The following DAB1 variants were observed in gnomAD, a reference collection of about 807,000 sequenced individuals.
DAB1 encodes disabled homolog 1.
A neutral mutation model predicts 64.6 loss-of-function variants in DAB1; 15 were observed. The ratio of observed to expected loss-of-function variants is 0.23; its 90% CI spans 0.16 to 0.36. DAB1 has a LOEUF of 0.36. Ranked by LOEUF, DAB1 falls within the 10% of genes least tolerant of loss-of-function variation. The pLI is 1.00. For synonymous variants in DAB1, 235 were observed against 251.9 expected (o/e 0.93, Z 0.64); for missense variants, 596 against 706.7 (o/e 0.84, Z 1.78).
chr1:57,052,720 A>G (rs1570598871), intron 9 of DAB1, among the ~76,000 whole-genome samples: 1 of 152,170 alleles, frequency 6.6e-6, no homozygotes, highest in African/African-American at 2.4e-5. Context: ...AGAGTAGATG[A>G]ATAATTCTAA....
intron 1 of DAB1, among the ~76,000 whole-genome samples, chr1:57,872,404 T>C (rs562275568): frequency 6.6e-6 from 1 of 152,254 alleles, no homozygotes; most frequent in East Asian, 1.9e-4. Flanking sequence ...AACCAGGAAG[T>C]AGATACTCAT....
intron 3 of DAB1, among the ~76,000 whole-genome samples, chr1:58,387,722 CTTTTT>C (rs35563837): frequency 1.5e-5 from 1 of 65,530 alleles, no homozygotes; most frequent in Admixed American, 1.7e-4. Flanking sequence ...CTTTTCTTTT[CTTTTT>C]TTTTTTTTTT....
At chr1:58,168,582 C>T (rs1017651221) in intron 4 of DAB1, among the ~76,000 whole-genome samples, 3 of 152,010 alleles carry the variant, frequency 2.0e-5, no homozygotes, top group African/African-American at 7.3e-5. Flanking sequence ...ACGGGCTCAC[C>T]AAGCAGAAAG....
intron 5 of DAB1, among the ~76,000 whole-genome samples, chr1:57,890,456 CTTT>C (rs71246207): frequency 7.3e-6 from 1 of 136,616 alleles, no homozygotes. Flanking sequence ...CTTTTCTTTT[CTTT>C]TTTTTTTTTT....
At chr1:57,910,540 G>T (rs750027766) in intron 5 of DAB1, among the ~76,000 whole-genome samples, 2 of 152,100 alleles carry the variant, frequency 1.3e-5, no homozygotes, top group African/African-American at 4.8e-5. Context: ...TAAGTGATCT[G>T]TAATCAACGG....
intron 6 of DAB1, among the ~76,000 whole-genome samples, chr1:57,691,822 G>C (rs1415150022): frequency 6.6e-6 from 1 of 152,126 alleles, no homozygotes; most frequent in African/African-American, 2.4e-5. Flanking sequence ...AGCACTCTCA[G>C]ACCCCTTTCG....
chr1:57,824,458 A>AAC (rs1652257458), downstream of DAB1, among the ~76,000 whole-genome samples: 1 of 152,018 alleles, frequency 6.6e-6, no homozygotes, highest in Non-Finnish European at 1.5e-5. Flanking sequence ...AAATAGGGTT[A>AAC]CCTATTTCTC....
chr1:57,193,032 C>A (rs72917155), intron 2 of DAB1, among the ~76,000 whole-genome samples: 2 of 152,036 alleles, frequency 1.3e-5, no homozygotes, highest in Non-Finnish European at 2.9e-5. Context: ...AAACAACATA[C>A]GTATTACCTC....
At chr1:58,451,227 C>A (rs757152472) in intron 3 of DAB1, among the ~76,000 whole-genome samples, 2 of 152,100 alleles carry the variant, frequency 1.3e-5, no homozygotes, top group Non-Finnish European at 2.9e-5. Context: ...GTAGAGGGGA[C>A]GGTAGGCACA....
chr1:57,407,767 A>AGTGTGTGT (rs3991224), intron 1 of DAB1, among the ~76,000 whole-genome samples: 42 of 147,054 alleles, frequency 2.9e-4, no homozygotes, highest in South Asian at 6.8e-4. Flanking sequence ...AGATATCTGA[A>AGTGTGTGT]GTGTGTGTGT....
At chr1:57,463,893 G>A (rs1212585101) in intron 7 of DAB1, among the ~76,000 whole-genome samples, 5 of 152,130 alleles carry the variant, frequency 3.3e-5, no homozygotes, top group African/African-American at 9.7e-5. Context: ...ATTTGAAGTC[G>A]TACACAAACC....
chr1:57,163,156 G>A (rs1244020264), intron 2 of DAB1, among the ~76,000 whole-genome samples: 1 of 152,222 alleles, frequency 6.6e-6, no homozygotes, highest in Non-Finnish European at 1.5e-5. Flanking sequence ...TCCTAGAGCT[G>A]CTGATCTGAG....
chr1:57,220,728 C>A (rs1173935582), intron 2 of DAB1, among the ~76,000 whole-genome samples: 3 of 152,056 alleles, frequency 2.0e-5, no homozygotes, highest in Non-Finnish European at 4.4e-5. Flanking sequence ...GTTAGAATGG[C>A]GATCATTAAA....
chr1:57,719,962 C>A (rs954725025), intron 6 of DAB1, among the ~76,000 whole-genome samples: 1 of 152,126 alleles, frequency 6.6e-6, no homozygotes, highest in African/African-American at 2.4e-5. Flanking sequence ...TGACCCTGGC[C>A]AAATTACTTT....
intron 4 of DAB1, among the ~76,000 whole-genome samples, chr1:58,210,866 T>C (rs779622198): frequency 1.3e-5 from 2 of 152,172 alleles, no homozygotes; most frequent in Non-Finnish European, 2.9e-5. Context: ...AAATGTGCTA[T>C]GAGGGGCTAA....
At chr1:57,312,080 C>A (rs1674758751) in intron 1 of DAB1, among the ~76,000 whole-genome samples, 1 of 152,158 alleles carries the variant, frequency 6.6e-6, no homozygotes, top group Admixed American at 6.5e-5. Flanking sequence ...TGTTGTTACT[C>A]TCTGTCAAAA....
intron 3 of DAB1, among the ~76,000 whole-genome samples, chr1:58,419,429 ATCCATCACCATTGTTT>A (rs1644751637): frequency 6.6e-6 from 1 of 152,208 alleles, no homozygotes; most frequent in Non-Finnish European, 1.5e-5. Context: ...TATGACCATC[ATCCATCACCATTGTTT>A]TCCTATTACC....
intron 7 of DAB1, among the ~76,000 whole-genome samples, chr1:57,436,777 C>T (rs765602245): frequency 3.3e-4 from 50 of 152,048 alleles, no homozygotes; most frequent in Non-Finnish European, 6.8e-4. Flanking sequence ...GCCTGTAATC[C>T]CAGCACTTTG....
chr1:58,317,031 A>G (rs1360244187), intron 4 of DAB1, among the ~76,000 whole-genome samples: 1 of 152,258 alleles, frequency 6.6e-6, no homozygotes, highest in Non-Finnish European at 1.5e-5. Context: ...GAAACTATTG[A>G]AAATTCTTCT....
Sources: allele counts gnomAD v4.1 joint callset (sites outside exome capture counted in the v4.1 genomes callset), GRCh38; gene constraint gnomAD v4.1.1; transcripts MANE v1.5; gene names NCBI Gene and HGNC (gene_info 2026-07-23, HGNC 2026-07-21).